VEGFC: variants seen among roughly 807,000 people sequenced by gnomAD.
The protein encoded by VEGFC is FLT4 ligand DHM.
In VEGFC, 12 loss-of-function variants were observed where a neutral mutation model predicts 46.1. The observed-to-expected ratio is 0.26, with a 90% CI of 0.17 to 0.42. The LOEUF is 0.42. Ranked by LOEUF, VEGFC falls within the 10% of genes least tolerant of loss-of-function variation. VEGFC has a pLI of 1.00. For synonymous variants in VEGFC, 232 were observed against 195.5 expected (o/e 1.19, Z -1.56); for missense variants, 488 against 529.4 (o/e 0.92, Z 0.77).
chr4:176,687,491 C>T lies in VEGFC; in HGVS notation c.841G>A (p.Gly281Arg). Residue 281 changes from glycine to arginine, a missense_variant, in exon 6 of 7, where the codon GGA (glycine) becomes AGA (arginine). By Grantham distance (125) the Gly-to-Arg change is moderately radical. Transcript: ENST00000618562. The part of the protein sequence containing the change: ...DSTDGFHDIC[G>R]PNKELDEETC... ...TCTTCATCCAGCTCCTTGTTTGGTC[C>T]ACAGATGTCATGGAATCCATCTGTT... is the stretch of plus-strand genomic sequence containing the variant. 6.2e-7 allele frequency: 1 copy of T among 1,610,064 alleles called. No homozygotes were observed. Among genetic ancestry groups the T allele is most frequent in the Non-Finnish European group, 8.5e-7 (1 of 1,178,044 alleles).
At chr4:176,754,547 T>C (rs953362258) in intron 1 of VEGFC, among the ~76,000 whole-genome samples, 4 of 152,042 alleles carry the variant, frequency 2.6e-5, no homozygotes, top group African/African-American at 9.7e-5. Flanking sequence ...ATGAGTCTTT[T>C]TCACATCACA....
chr4:176,776,626 CAAAG>C (rs1194763511), intron 1 of VEGFC, among the ~76,000 whole-genome samples: 1 of 152,116 alleles, frequency 6.6e-6, no homozygotes, highest in Non-Finnish European at 1.5e-5. Context: ...GAACCAAAGC[CAAAG>C]AGAGAGAAGA....
chr4:176,759,935 G>A (rs1735500006), intron 1 of VEGFC, among the ~76,000 whole-genome samples: 1 of 151,824 alleles, frequency 6.6e-6, no homozygotes, highest in Non-Finnish European at 1.5e-5. Context: ...TATCATTGAC[G>A]AAGGCATAGC....
At chr4:176,737,556 C>T (rs988199507) in intron 1 of VEGFC, among the ~76,000 whole-genome samples, 1 of 150,574 alleles carries the variant, frequency 6.6e-6, no homozygotes, top group African/African-American at 2.4e-5. Context: ...AGAAAATATA[C>T]CTTTCTTCAC....
chr4:176,735,245 A>G (rs1050069794), intron 1 of VEGFC, among the ~76,000 whole-genome samples: 1 of 151,898 alleles, frequency 6.6e-6, no homozygotes, highest in African/African-American at 2.4e-5. Context: ...TCTTCTGTTC[A>G]TTATATGACT....
chr4:176,757,938 C>A (rs940594112), intron 1 of VEGFC, among the ~76,000 whole-genome samples: 1 of 151,924 alleles, frequency 6.6e-6, no homozygotes, highest in African/African-American at 2.4e-5. Context: ...TTGACTTAAT[C>A]CCCATAAAAG....
At chr4:176,760,742 A>G (rs1197847325) in intron 1 of VEGFC, among the ~76,000 whole-genome samples, 1 of 152,174 alleles carries the variant, frequency 6.6e-6, no homozygotes, top group Admixed American at 6.5e-5. Flanking sequence ...GATATTGCCA[A>G]AGTCATATTT....
In VEGFC at chr4:176,694,378, A is replaced by C. The variant is rs569544023; in HGVS notation, c.705-6451T>G. Among the ~76,000 whole-genome samples the C allele has an allele frequency of 1.4e-3, 211 of 152,332 alleles. 1 individual carries two copies. The highest frequency in any genetic ancestry group is 5.0e-3 in the African/African-American group (208 of 41,554). ...TAAACCAACAAAGATCAAAAGAGAC[A>C]AAAAAGGCCATTACATAATCGTAAA... On this transcript the variant is annotated intron_variant, in intron 4 of 6. Transcript: ENST00000618562.
At chr4:176,693,679 A>G (rs1247871484) in intron 4 of VEGFC, among the ~76,000 whole-genome samples, 1 of 146,460 alleles carries the variant, frequency 6.8e-6, no homozygotes, top group African/African-American at 2.7e-5. Flanking sequence ...TAACTGTCAG[A>G]TTCACCAAAG....
chr4:176,702,487 AC>A (rs1734451240), intron 4 of VEGFC, among the ~76,000 whole-genome samples: 1 of 152,074 alleles, frequency 6.6e-6, no homozygotes, highest in African/African-American at 2.4e-5. Flanking sequence ...TCATTCCTCT[AC>A]CCAGAAACAA....
At chr4:176,769,815 C>T (rs75941750) in intron 1 of VEGFC, among the ~76,000 whole-genome samples, 1,700 of 152,202 alleles carry the variant, frequency 0.011, 24 homozygotes, top group Middle Eastern at 0.099. Flanking sequence ...GCTCCTGAGG[C>T]CCATCACTAA....
intron 1 of VEGFC, among the ~76,000 whole-genome samples, chr4:176,749,717 T>C (rs777953575): frequency 5.3e-5 from 8 of 151,924 alleles, no homozygotes; most frequent in African/African-American, 1.4e-4. Flanking sequence ...AAAAATCCAA[T>C]TGTGAGTCAT....
intron 1 of VEGFC, among the ~76,000 whole-genome samples, chr4:176,768,513 T>TATATATATATATATATATATATATATATA (rs58971102): frequency 3.5e-5 from 5 of 143,806 alleles, no homozygotes; most frequent in East Asian, 2.1e-4. Context: ...TATATATATA[T>TATATATATATATATATATATATATATATA]TTCAAATTTT....
Position 176,735,233 on chromosome 4 carries a change from T to C in VEGFC, c.148-5487A>G, listed in dbSNP as rs1735034231. On this transcript the variant is annotated intron_variant, in intron 1 of 6. Transcript: ENST00000618562. ...AGTCTTTCAGGTATAAATGGAAATC[T>C]GTCTTCTGTTCATTATATGACTTTA... is the stretch of plus-strand genomic sequence containing the variant. 3.9e-5 allele frequency among the ~76,000 whole-genome samples: 6 copies of C among 151,952 alleles called. No individual in the cohort carries two copies. The South Asian group carries it at 1.2e-3, about 31-fold the overall frequency.
chr4:176,751,029 A>G (rs531566522), intron 1 of VEGFC, among the ~76,000 whole-genome samples: 2 of 151,930 alleles, frequency 1.3e-5, no homozygotes, highest in East Asian at 3.9e-4. Context: ...GGATACATTT[A>G]TTTAATAAAT....
At chr4:176,771,159 G>A (rs1422236525) in intron 1 of VEGFC, among the ~76,000 whole-genome samples, 1 of 152,098 alleles carries the variant, frequency 6.6e-6, no homozygotes, top group Non-Finnish European at 1.5e-5. Context: ...GAAAACATCA[G>A]CATATGTGAC....
At chr4:176,747,143 A>G (rs750261416) in intron 1 of VEGFC, among the ~76,000 whole-genome samples, 7 of 152,132 alleles carry the variant, frequency 4.6e-5, no homozygotes, top group Non-Finnish European at 1.0e-4. Context: ...TCATGCATAA[A>G]ATCTAACAGT....
intron 1 of VEGFC, among the ~76,000 whole-genome samples, chr4:176,751,123 T>C (rs981862386): frequency 2.0e-5 from 3 of 151,646 alleles, no homozygotes; most frequent in Admixed American, 6.6e-5. Flanking sequence ...AGAATGAAAA[T>C]GTACTTAAAC....
chr4:176,718,218 T>C (rs1400219289), intron 3 of VEGFC, among the ~76,000 whole-genome samples: 5 of 152,138 alleles, frequency 3.3e-5, no homozygotes, highest in African/African-American at 1.2e-4. Flanking sequence ...TAAAACCTGA[T>C]TTCCAAAAAC....
Sources: gnomAD v4.1 joint callset for allele counts (sites outside exome capture counted in the v4.1 genomes callset) on GRCh38, gnomAD v4.1.1 for gene constraint, MANE v1.5 for transcripts, NCBI Gene and HGNC (gene_info 2026-07-23, HGNC 2026-07-21) for gene names.